Variants in MICU1 observed in about 807,000 individuals in gnomAD.
MICU1 encodes the protein mitochondrial calcium uptake 1.
In MICU1, 45 loss-of-function variants were observed where a neutral mutation model predicts 56.8. The observed-to-expected ratio is 0.79, with a 90% CI of 0.62 to 1.02. The LOEUF (loss-of-function observed/expected upper bound fraction) is 1.02. Among genes scored for constraint, MICU1 ranks in the 50% least tolerant of loss-of-function variants. The pLI is 0.00. For synonymous variants in MICU1, 186 were observed against 195.1 expected (o/e 0.95, Z 0.39); for missense variants, 504 against 587.1 (o/e 0.86, Z 1.46).
At chr10:72,452,165 G>A (rs950122794) in intron 8 of MICU1, among the ~76,000 whole-genome samples, 2 of 152,162 alleles carry the variant, frequency 1.3e-5, no homozygotes, top group African/African-American at 4.8e-5. Flanking sequence ...ACCGCACCTG[G>A]CCAGTTAGTT....
At chr10:72,592,370 T>C (rs372383799) in intron 1 of MICU1, among the ~76,000 whole-genome samples, 3 of 152,178 alleles carry the variant, frequency 2.0e-5, no homozygotes, top group East Asian at 3.9e-4. Context: ...CTGGTCCAGA[T>C]GGTTTCACTG....
At position 72,508,240 on chromosome 10, in the gene MICU1, AG is replaced by A; in HGVS notation, c.566del (p.Ala189ValfsTer44). ...KKISQEREKFADEGSIFYTLG... is the reference protein window; with the variant it reads ...KKISQEREKFXDEGSIFYTLG... ...GGGTGTAAAATATACTGCCTTCATC[AG>A]CAAATTTTTCTCGTTCCTGGGAAAT... On this transcript the variant is annotated frameshift_variant, in exon 6 of 12. Transcript: ENST00000361114. LOFTEE classifies it high-confidence loss of function. 6.6e-7 allele frequency: 1 copy of A among 1,526,038 alleles called. No homozygotes were observed. Among genetic ancestry groups the A allele is most frequent in the Non-Finnish European group, 8.9e-7 (1 of 1,121,590 alleles). 94.5% of individuals were successfully genotyped at this position (1,526,038 alleles called of 1,614,324 possible).
Position 72,563,733 on chromosome 10 carries a change from C to T in MICU1, c.162-670G>A, listed in dbSNP as rs138262380. Among the ~76,000 whole-genome samples the T allele has an allele frequency of 2.5e-3, 384 of 152,292 alleles. 1 individual carries two copies. The highest frequency in any genetic ancestry group is 8.4e-3 in the African/African-American group (348 of 41,558). ...CATGTGACAGAAGCCCTCATCCACACGTCTTCCCATTGAAACCAGAGACGA... is the reference window on the plus strand; with the variant it reads ...CATGTGACAGAAGCCCTCATCCACATGTCTTCCCATTGAAACCAGAGACGA... On this transcript the variant is annotated intron_variant, in intron 2 of 11. Transcript: ENST00000361114.
At chr10:72,533,708 G>C in intron 5 of MICU1, 38 bp downstream of exon 5, 1 of 1,455,420 alleles carries the variant, frequency 6.9e-7, no homozygotes, top group Non-Finnish European at 9.4e-7. Context: ...CTTAGTAAAT[G>C]ATAGGATATA....
intron 11 of MICU1, among the ~76,000 whole-genome samples, chr10:72,371,475 C>T (rs1189154995): frequency 2.1e-5 from 3 of 141,682 alleles, no homozygotes; most frequent in Admixed American, 1.4e-4. Flanking sequence ...AGGCACGGTG[C>T]CTCACGCCTG....
chr10:72,492,155 C>T (rs945443770), intron 6 of MICU1, among the ~76,000 whole-genome samples: 1 of 152,066 alleles, frequency 6.6e-6, no homozygotes, highest in East Asian at 1.9e-4. Context: ...CCTTGTAGGC[C>T]ACTGTAAATA....
chr10:72,440,634 T>C (rs1864890207), intron 8 of MICU1, among the ~76,000 whole-genome samples: 1 of 152,104 alleles, frequency 6.6e-6, no homozygotes, highest in Non-Finnish European at 1.5e-5. Flanking sequence ...GGGAGAAAAT[T>C]TTTGCAATCT....
At chr10:72,568,092 GACTT>G (rs1417901383) in intron 1 of MICU1, among the ~76,000 whole-genome samples, 2 of 152,090 alleles carry the variant, frequency 1.3e-5, no homozygotes. Context: ...TAGGAGGGGA[GACTT>G]TGCTGCCCCC....
At chr10:72,588,841 C>A (rs1416592097) in intron 1 of MICU1, among the ~76,000 whole-genome samples, 1 of 152,092 alleles carries the variant, frequency 6.6e-6, no homozygotes, top group Non-Finnish European at 1.5e-5. Context: ...AACAAGCTCC[C>A]CTTGGGGGAA....
intron 1 of MICU1, among the ~76,000 whole-genome samples, chr10:72,605,367 C>T (rs1303049383): frequency 6.6e-6 from 1 of 152,194 alleles, no homozygotes; most frequent in Non-Finnish European, 1.5e-5. Flanking sequence ...TAATCCACTC[C>T]ATATTTAGCA....
intron 1 of MICU1, among the ~76,000 whole-genome samples, chr10:72,619,915 T>C (rs1392587407): frequency 1.3e-5 from 2 of 152,062 alleles, no homozygotes; most frequent in African/African-American, 4.8e-5. Flanking sequence ...GACTAGAACA[T>C]GTGAAAACGA....
chr10:72,572,387 A>C (rs2132488285), intron 1 of MICU1, among the ~76,000 whole-genome samples: 1 of 152,270 alleles, frequency 6.6e-6, no homozygotes. Context: ...GACCCAGATA[A>C]GTTATGTGAT....
chr10:72,616,651 GA>G (rs201165276), intron 1 of MICU1, among the ~76,000 whole-genome samples: 2,258 of 140,034 alleles, frequency 0.016, 58 homozygotes, highest in African/African-American at 0.053. Flanking sequence ...TGGTTGGTGG[GA>G]AAAAAAAAAA....
chr10:72,443,791 A>G (rs1327853213), intron 8 of MICU1, among the ~76,000 whole-genome samples: 1 of 151,948 alleles, frequency 6.6e-6, no homozygotes, highest in East Asian at 1.9e-4. Context: ...AAACTAGTTC[A>G]ACCATTGTGG....
In MICU1 at chr10:72,368,075, G is replaced by T; in HGVS notation, c.*120C>A. On this transcript the variant is annotated 3_prime_UTR_variant, in exon 12 of 12. Coordinates refer to ENST00000361114, the MANE Select transcript of MICU1 (RefSeq NM_001195518.2). ...AGAGGGGAAACCGACAGAGTCCTGAGGTCATCCCGGGAGGAAGGGGGACTA... is the reference window on the plus strand; with the variant it reads ...AGAGGGGAAACCGACAGAGTCCTGATGTCATCCCGGGAGGAAGGGGGACTA... 1 of 1,079,376 alleles carries T rather than the reference G, an allele frequency of 9.3e-7. No homozygotes were observed. The highest frequency in any genetic ancestry group is 1.3e-6 in the Non-Finnish European group (1 of 755,904). 66.9% of individuals were successfully genotyped at this position (1,079,376 alleles called of 1,614,324 possible).
chr10:72,469,911 C>G (rs1865900008), intron 8 of MICU1, among the ~76,000 whole-genome samples: 1 of 152,126 alleles, frequency 6.6e-6, no homozygotes, highest in African/African-American at 2.4e-5. Context: ...GTGCCTAAAT[C>G]TCTTCTTCTT....
intron 10 of MICU1, among the ~76,000 whole-genome samples, chr10:72,388,755 G>A (rs960415356): frequency 1.2e-4 from 19 of 152,162 alleles, no homozygotes; most frequent in Admixed American, 7.2e-4. Context: ...GGTTTGAAAT[G>A]GTAAAGCCAC....
chr10:72,474,133 G>A (rs778711600), intron 8 of MICU1, among the ~76,000 whole-genome samples: 4 of 151,770 alleles, frequency 2.6e-5, no homozygotes, highest in Non-Finnish European at 5.9e-5. Context: ...GCACATGCCT[G>A]TAATTCCAGC....
chr10:72,604,342 C>T (rs1377241073), intron 1 of MICU1, among the ~76,000 whole-genome samples: 2 of 95,116 alleles, frequency 2.1e-5, no homozygotes, highest in African/African-American at 4.0e-5. Context: ...GTTGTGATCT[C>T]GGCTCACTGC....
Sources: gnomAD v4.1 joint callset for allele counts (sites outside exome capture counted in the v4.1 genomes callset) on GRCh38, gnomAD v4.1.1 for gene constraint, MANE v1.5 for transcripts, NCBI Gene and HGNC (gene_info 2026-07-23, HGNC 2026-07-21) for gene names.